KMT5C: variants seen among roughly 807,000 people sequenced by gnomAD.
The protein encoded by KMT5C is histone-lysine N-methyltransferase KMT5C.
KMT5C carries 16 observed loss-of-function variants against 38.2 expected under a neutral mutation model. The observed-to-expected ratio is 0.42, with a 90% CI of 0.28 to 0.64. The LOEUF (loss-of-function observed/expected upper bound fraction) is 0.64, where lower values mean the gene tolerates loss of function less well. Ranked by LOEUF, KMT5C falls within the 30% of genes least tolerant of loss-of-function variation. The pLI, the probability that KMT5C is intolerant of heterozygous loss-of-function variation, is 0.23. For missense variants in KMT5C, 598 were observed against 665.1 expected (o/e 0.90, Z 1.11); for synonymous variants, 291 against 279.0 (o/e 1.04, Z -0.43).
At position 55,347,359 on chromosome 19, in the gene KMT5C, C is replaced by T. The variant is rs764786236; in HGVS notation, c.1299C>T (p.Leu433=). Residue 433 remains leucine, a synonymous_variant, in exon 9 of 9, where the codon CTC becomes CTT. Transcript: ENST00000255613. This position sits in a 1 kb window ranked among gnomAD's most constrained non-coding sequence, Gnocchi z 4.6. The part of the protein sequence containing the change: ...PGPILIPKQA[L]AFAPFSPPKR... ...CCATCCTGATCCCGAAGCAGGCCCT[C>T]GCCTTCGCCCCCTTCTCCCCACCCA... The T allele has an allele frequency of 3.7e-5, 58 of 1,580,510 alleles. No homozygotes were observed. The South Asian group carries it at 4.8e-4, about 13-fold the overall frequency.
chr19:55,342,454 A>C, intron 3 of KMT5C, 74 bp downstream of exon 3: 10 of 1,247,350 alleles, frequency 8.0e-6, no homozygotes, highest in Non-Finnish European at 1.1e-5. Flanking sequence ...CGCCTGGCAG[A>C]CGCTCTAGAG....
At chr19:55,344,915 C>T (rs1187503054) in intron 6 of KMT5C, 7 of 470,504 alleles carry the variant, frequency 1.5e-5, no homozygotes, top group African/African-American at 1.2e-4. Flanking sequence ...CTGGCGATGC[C>T]ACCCCTGGCC....
chr19:55,344,171 G>A, intron 6 of KMT5C, 174 bp downstream of exon 6: 2 of 623,096 alleles, frequency 3.2e-6, no homozygotes, highest in Non-Finnish European at 5.6e-6. Context: ...TCAGGAGATG[G>A]AGACCACGGT....
At chr19:55,345,239 G>A (rs2089604439) in intron 6 of KMT5C, 2 of 366,704 alleles carry the variant, frequency 5.5e-6, no homozygotes, top group Non-Finnish European at 1.1e-5. Flanking sequence ...GGGCAAAGGG[G>A]GGCGTCTAGC....
intron 7 of KMT5C, 51 bp downstream of exon 7, chr19:55,346,400 C>T: frequency 6.2e-7 from 1 of 1,612,204 alleles, no homozygotes. Flanking sequence ...GCTTCTTGAG[C>T]CCAGAAACGC....
At position 55,346,202 on chromosome 19, in the gene KMT5C, T is replaced by A; in HGVS notation, c.571-11T>A. 1 of 1,613,624 alleles carries A rather than the reference T, an allele frequency of 6.2e-7. No individual in the cohort carries two copies. Among genetic ancestry groups the A allele is most frequent in the South Asian group, 1.1e-5 (1 of 91,088 alleles). On this transcript the variant is annotated splice_polypyrimidine_tract_variant and intron_variant, in intron 6 of 8. Coordinates refer to ENST00000255613, the MANE Select transcript of KMT5C (RefSeq NM_032701.4). Reference sequence around the variant, plus strand: ...CCCTGGGCCAGGGCGCTGAGTGGGCTTGGCCCTCAGTTTGTGCCTGCAGAT... The same window carrying A: ...CCCTGGGCCAGGGCGCTGAGTGGGCATGGCCCTCAGTTTGTGCCTGCAGAT...
intron 6 of KMT5C, 59 bp downstream of exon 6, chr19:55,344,056 G>T: frequency 6.3e-7 from 1 of 1,579,700 alleles, no homozygotes; most frequent in African/African-American, 1.3e-5. Flanking sequence ...CCTGTGGCCT[G>T]GGGAAAGGGT....
In KMT5C at chr19:55,346,591, C is replaced by T. The variant is rs1254621947; in HGVS notation, c.799C>T (p.Arg267Trp). Residue 267 changes from arginine (R) to tryptophan (W), a missense_variant, in exon 8 of 9, where the codon CGG (arginine) becomes TGG (tryptophan). Physicochemically the swap from Arg to Trp is moderately radical, Grantham distance 101 (BLOSUM62 -3). Coordinates refer to ENST00000255613, the MANE Select transcript of KMT5C (RefSeq NM_032701.4). ...GTACCAGCTGCGTGAGACCAAGCGGCGGCTGCAGCAAGGCCTGGACAGTGG... is the reference window on the plus strand; with the variant it reads ...GTACCAGCTGCGTGAGACCAAGCGGTGGCTGCAGCAAGGCCTGGACAGTGG... ...DKYQLRETKR[R>W]LQQGLDSGSR... 3 of 1,579,482 alleles carry T rather than the reference C, an allele frequency of 1.9e-6. No individual in the cohort carries two copies. Among genetic ancestry groups the T allele is most frequent in the Non-Finnish European group, 2.6e-6 (3 of 1,163,446 alleles).
chr19:55,341,860 A>C lies in KMT5C; in HGVS notation c.-77A>C. The C allele has an allele frequency of 8.6e-7, 1 of 1,159,826 alleles. No homozygotes were observed. Among genetic ancestry groups the C allele is most frequent in the African/African-American group, 1.5e-5 (1 of 66,474 alleles). The allele number at this position is 1,159,826 out of a possible 1,614,324, so 71.8% of individuals were successfully genotyped here. ...GTAGCGTGGGAGTGGAGTCAGCACC[A>C]AGCCAGGCTCCCCGCGCCTGCCTTG... is the stretch of plus-strand genomic sequence containing the variant. On this transcript the variant is annotated 5_prime_UTR_variant, in exon 2 of 9. Transcript: ENST00000255613.
Position 55,347,053 on chromosome 19 carries a change from GC to G in KMT5C, c.997del (p.Arg333GlyfsTer95). Reference protein sequence around the residue: ...WLPQPQPRVRPRKRRRPRPRR... With the variant: ...WLPQPQPRVRXRKRRRPRPRR... ...TGCCTCAGCCCCAGCCCCGAGTGCG[GC>G]CCCGGAAGCGCCGACGCCCCCGGCC... On this transcript the variant is annotated frameshift_variant, in exon 9 of 9. Coordinates refer to ENST00000255613, the MANE Select transcript of KMT5C (RefSeq NM_032701.4). LOFTEE classifies it low-confidence loss of function (END_TRUNC). This position sits in a 1 kb window ranked among gnomAD's most constrained non-coding sequence, Gnocchi z 4.6. 6.4e-7 allele frequency: 1 copy of G among 1,572,024 alleles called. No homozygotes were observed. The highest frequency in any genetic ancestry group is 8.6e-7 in the Non-Finnish European group (1 of 1,159,560).
rs201789687 is a variant in KMT5C, at chr19:55,346,256, G to A, written c.614G>A (p.Arg205Gln). ...AACGCAGCCTGCGTGAAGGTGCTCCGGGACATTGAGCCTGGGGACGAGGTG... is the reference window on the plus strand; with the variant it reads ...AACGCAGCCTGCGTGAAGGTGCTCCAGGACATTGAGCCTGGGGACGAGGTG... ...DGNAACVKVL[R>Q]DIEPGDEVTC... The change falls in exon 7 of 9, where the codon CGG becomes CAG. Residue 205 changes from arginine to glutamine, a missense_variant. By Grantham distance (43) the Arg-to-Gln change is conservative. Around this residue, in one of 3 missense-constraint regions of KMT5C, gnomAD observed 105 missense variants for 179.2 expected, o/e 0.59. Transcript: ENST00000255613. 20 of 1,614,012 alleles carry A rather than the reference G, an allele frequency of 1.2e-5. No individual in the cohort carries two copies. Among genetic ancestry groups the A allele is most frequent in the East Asian group, 2.2e-5 (1 of 44,868 alleles).
chr19:55,346,192 C>G, intron 6 of KMT5C, 21 bp from the exon 7 acceptor site: 1 of 1,613,196 alleles, frequency 6.2e-7, no homozygotes, highest in Non-Finnish European at 8.5e-7. Flanking sequence ...GGCCAGGGCG[C>G]TGAGTGGGCT....
chr19:55,344,849 A>G (rs1373293489), intron 6 of KMT5C: 1 of 481,750 alleles, frequency 2.1e-6, no homozygotes, highest in South Asian at 1.5e-5. Context: ...GCACCCCGGG[A>G]GGCATGACAA....
In KMT5C at chr19:55,347,273, G is replaced by A. The variant is rs2089632839; in HGVS notation, c.1213G>A (p.Asp405Asn). ...TGGGCTGCCTTACGTGGTGCGTGTG[G>A]ACCTTCGTCGCCTGGCCCCAGCCCC... ...RYGLPYVVRVDLRRLAPAPPA... is the reference protein window; with the variant it reads ...RYGLPYVVRVNLRRLAPAPPA... Residue 405 changes from aspartate (D) to asparagine (N), a missense_variant, in exon 9 of 9, where the codon GAC (aspartate) becomes AAC (asparagine). Asp to Asn is a conservative substitution (Grantham distance 23). Coordinates refer to ENST00000255613, the MANE Select transcript of KMT5C (RefSeq NM_032701.4). This position sits in a 1 kb window ranked among gnomAD's most constrained non-coding sequence, Gnocchi z 4.6. The A allele has an allele frequency of 6.4e-7, 1 of 1,557,070 alleles. No individual in the cohort carries two copies. The highest frequency in any genetic ancestry group is 1.4e-5 in the African/African-American group (1 of 73,822).
rs1176901078 is a variant in KMT5C, at chr19:55,347,391, T to A, written c.1331T>A (p.Leu444Gln). 6.3e-7 allele frequency: 1 copy of A among 1,580,226 alleles called. No homozygotes were observed. The highest frequency in any genetic ancestry group is 1.4e-5 in the African/African-American group (1 of 73,836). The change falls in exon 9 of 9, where the codon CTA (leucine) becomes CAA (glutamine). Residue 444 changes from leucine (L) to glutamine (Q), a missense_variant. Leu to Gln is a moderately radical substitution (Grantham distance 113). This residue lies in a region of KMT5C where 326 missense variants were observed against 298.1 expected (regional missense o/e 1.09). Coordinates refer to ENST00000255613, the MANE Select transcript of KMT5C (RefSeq NM_032701.4). This position sits in a 1 kb window ranked among gnomAD's most constrained non-coding sequence, Gnocchi z 4.6. Reference sequence around the variant, plus strand: ...GCCCCCTTCTCCCCACCCAAGCGCCTACGGCTGGTGGTCAGCCACGGCTCC... The same window carrying A: ...GCCCCCTTCTCCCCACCCAAGCGCCAACGGCTGGTGGTCAGCCACGGCTCC... ...AFAPFSPPKR[L>Q]RLVVSHGSID... is the part of the protein sequence containing the mutation.
intron 6 of KMT5C, chr19:55,345,124 A>G (rs966379844): frequency 4.4e-6 from 2 of 453,016 alleles, no homozygotes; most frequent in Non-Finnish European, 8.9e-6. Flanking sequence ...TGAGCACACG[A>G]GAGGGCGGCC....
At chr19:55,341,607 T>C (rs766323979) in intron 1 of KMT5C, 187 bp from the exon 2 acceptor site, 151 of 382,362 alleles carry the variant, frequency 3.9e-4, no homozygotes, top group Non-Finnish European at 5.9e-4. Context: ...AGTCTGAGTG[T>C]GCATGGGTGT....
In KMT5C at chr19:55,343,996, A is replaced by G. The variant is rs2089589320; in HGVS notation, c.569A>G (p.Lys190Arg). The change falls in exon 6 of 9, where the codon AAG becomes AGG. Residue 190 changes from lysine (K) to arginine (R), a missense_variant and splice_region_variant. Around this residue, in one of 3 missense-constraint regions of KMT5C, gnomAD observed 105 missense variants for 179.2 expected, o/e 0.59. Coordinates refer to ENST00000255613, the MANE Select transcript of KMT5C (RefSeq NM_032701.4). This position sits in a 1 kb window ranked among gnomAD's most constrained non-coding sequence, Gnocchi z 5.5. ...GCTCCAGACTGCAAACCCAACTGCA[A>G]GGTAAGGCCTTGGGACTCGGGAGGA... ...FINHDCKPNC[K>R]FVPADGNAAC... The G allele has an allele frequency of 1.2e-6, 2 of 1,612,092 alleles. No homozygotes were observed. The highest frequency in any genetic ancestry group is 2.7e-5 in the African/African-American group (2 of 74,874).
Position 55,347,746 on chromosome 19 carries a change from T to C in KMT5C, c.*297T>C. ...CCATCCGCCCCCCTCAGCCCCTTCC[T>C]CCCCAGGGAGCAAAGCCATAAGGGG... On this transcript the variant is annotated 3_prime_UTR_variant, in exon 9 of 9. Coordinates refer to ENST00000255613, the MANE Select transcript of KMT5C (RefSeq NM_032701.4). This position sits in a 1 kb window ranked among gnomAD's most constrained non-coding sequence, Gnocchi z 4.6. 2.4e-6 allele frequency: 1 copy of C among 420,304 alleles called. No homozygotes were observed. The allele number at this position is 420,304 out of a possible 1,614,324, so 26.0% of individuals were successfully genotyped here. A position where few individuals can be genotyped will look rare whatever the true frequency, so the allele number is the denominator to read the frequency against.
Sources: gnomAD v4.1 joint callset for allele counts on GRCh38, gnomAD v4.1.1 for gene constraint, gnomAD v4.1.1 regional missense constraint, Gnocchi (gnomAD v3.1) non-coding constraint, MANE v1.5 for transcripts, NCBI Gene and HGNC (gene_info 2026-07-23, HGNC 2026-07-21) for gene names.